The following DLG1 variants were observed in gnomAD, a reference collection of about 807,000 sequenced individuals.
DLG1 encodes the protein discs large MAGUK scaffold protein 1, also known as disks large homolog 1.
Under a neutral mutation model 123.4 loss-of-function variants are expected in DLG1, and 42 were observed. The ratio of observed to expected loss-of-function variants is 0.34; its 90% confidence interval spans 0.27 to 0.44. DLG1 has a LOEUF of 0.44. Among genes scored for constraint, DLG1 ranks in the 20% least tolerant of loss-of-function variants. The pLI is 1.00. For missense variants in DLG1, 942 were observed against 1,082.6 expected (o/e 0.87, Z 1.82); for synonymous variants, 317 against 356.2 (o/e 0.89, Z 1.24).
At chr3:197,197,113 G>A (rs760723181) in intron 4 of DLG1, among the ~76,000 whole-genome samples, 3 of 152,126 alleles carry the variant, frequency 2.0e-5, no homozygotes, top group Non-Finnish European at 4.4e-5. Flanking sequence ...AAAAACTCAA[G>A]GCATTTGACC....
intron 4 of DLG1, among the ~76,000 whole-genome samples, chr3:197,273,256 AT>A (rs1020126404): frequency 2.3e-4 from 30 of 132,934 alleles, no homozygotes; most frequent in African/African-American, 3.7e-4. Context: ...TTTTATTTTT[AT>A]TTTTTTTTGA....
intron 4 of DLG1, among the ~76,000 whole-genome samples, chr3:197,255,809 G>T (rs1756593752): frequency 6.6e-6 from 1 of 152,006 alleles, no homozygotes; most frequent in Non-Finnish European, 1.5e-5. Flanking sequence ...GGGGAGGGTG[G>T]GCTGTCTTGG....
chr3:197,055,970 G>A (rs958126569), intron 23 of DLG1, among the ~76,000 whole-genome samples: 4 of 152,128 alleles, frequency 2.6e-5, no homozygotes, highest in African/African-American at 9.7e-5. Flanking sequence ...GTCCACACTG[G>A]CTCCCACAAA....
intron 14 of DLG1, among the ~76,000 whole-genome samples, chr3:197,094,772 C>T (rs999590781): frequency 6.6e-5 from 10 of 152,066 alleles, no homozygotes; most frequent in Non-Finnish European, 1.2e-4. Context: ...ATATTTGATT[C>T]CAGTTTTTAT....
chr3:197,109,260 C>T (rs1401494913), intron 13 of DLG1, among the ~76,000 whole-genome samples: 1 of 152,142 alleles, frequency 6.6e-6, no homozygotes, highest in East Asian at 1.9e-4. Context: ...AGCCCAGCTA[C>T]TCGGGAGGCT....
At position 197,212,218 on chromosome 3, in the gene DLG1, T is replaced by C. The variant is rs1009778165; in HGVS notation, c.319-17629A>G. Among the ~76,000 whole-genome samples, 9 of 145,908 alleles carry C rather than the reference T, an allele frequency of 6.2e-5. No individual in the cohort carries two copies. The Admixed American group carries it at 6.2e-4, about 10-fold the overall frequency. ...ACGTGTACCCCTGAACCTAAAAGTT[T>C]TAAAAAACAAACAAAAAACCCTACC... is the stretch of plus-strand genomic sequence containing the variant. On this transcript the variant is annotated intron_variant, in intron 4 of 24. Coordinates refer to ENST00000667157, the MANE Select transcript of DLG1 (RefSeq NM_001366207.1).
intron 5 of DLG1, among the ~76,000 whole-genome samples, chr3:197,182,408 A>C (rs544498289): frequency 3.8e-4 from 58 of 152,290 alleles, no homozygotes; most frequent in Non-Finnish European, 8.1e-4. Flanking sequence ...TTTCTCCCAA[A>C]TATTTGAGAA....
intron 8 of DLG1, among the ~76,000 whole-genome samples, chr3:197,138,708 T>C (rs552483534): frequency 1.4e-3 from 213 of 152,334 alleles, no homozygotes; most frequent in African/African-American, 4.9e-3. Context: ...AGACACACTT[T>C]ATAAAAATAG....
Position 197,208,709 on chromosome 3 carries a change from T to G in DLG1, c.319-14120A>C, listed in dbSNP as rs1401414767. On this transcript the variant is annotated intron_variant, in intron 4 of 24. Coordinates refer to ENST00000667157, the MANE Select transcript of DLG1 (RefSeq NM_001366207.1). Reference sequence around the variant, plus strand: ...GGCGGGGTGGGGGTAGTTGGGGGGATAGTAAGAGGAAGAGAAAATACACAT... The same window carrying G: ...GGCGGGGTGGGGGTAGTTGGGGGGAGAGTAAGAGGAAGAGAAAATACACAT... 1.4e-5 allele frequency among the ~76,000 whole-genome samples: 2 copies of G among 144,006 alleles called. 1 individual carries two copies. 94.5% of individuals were successfully genotyped at this position (144,006 alleles called of 152,430 possible). A position where few individuals can be genotyped will look rare whatever the true frequency, so the allele number is the denominator to read the frequency against.
At chr3:197,058,757 T>C (rs1211017908) in intron 23 of DLG1, among the ~76,000 whole-genome samples, 9 of 152,234 alleles carry the variant, frequency 5.9e-5, no homozygotes, top group Non-Finnish European at 1.3e-4. Context: ...CTGATTTTTA[T>C]ATTTGTTTTC....
intron 3 of DLG1, among the ~76,000 whole-genome samples, chr3:197,290,827 A>G (rs1774464457): frequency 6.7e-6 from 1 of 149,632 alleles, no homozygotes; most frequent in Admixed American, 6.7e-5. Flanking sequence ...GAGCCTGGGA[A>G]GCAGAGGTTG....
intron 4 of DLG1, among the ~76,000 whole-genome samples, chr3:197,200,031 T>C (rs1323571615): frequency 6.6e-6 from 1 of 152,190 alleles, no homozygotes; most frequent in Non-Finnish European, 1.5e-5. Flanking sequence ...ATATCAGCAA[T>C]ATTATTTTAC....
At chr3:197,205,286 G>T (rs1206915480) in intron 4 of DLG1, among the ~76,000 whole-genome samples, 1 of 151,706 alleles carries the variant, frequency 6.6e-6, no homozygotes, top group Non-Finnish European at 1.5e-5. Context: ...ATGAGATAAA[G>T]CCCTGAAACA....
intron 22 of DLG1, 124 bp downstream of exon 22, chr3:197,065,152 T>C: frequency 2.3e-6 from 2 of 886,004 alleles, no homozygotes; most frequent in Admixed American, 6.1e-5. Context: ...AAATTAATTA[T>C]TTAGGTAAGC....
chr3:197,234,843 A>C (rs1034269591), intron 4 of DLG1, among the ~76,000 whole-genome samples: 6 of 152,204 alleles, frequency 3.9e-5, no homozygotes, highest in African/African-American at 1.4e-4. Context: ...CATACATTGT[A>C]TCTCCCTCAT....
intron 5 of DLG1, among the ~76,000 whole-genome samples, chr3:197,178,319 T>C (rs1263892487): frequency 6.6e-6 from 1 of 152,174 alleles, no homozygotes; most frequent in Non-Finnish European, 1.5e-5. Context: ...GGATTTGGCA[T>C]CAGACTGGAT....
At chr3:197,080,992 C>T (rs1398692941) in intron 17 of DLG1, 59 bp downstream of exon 17, 1 of 1,489,104 alleles carries the variant, frequency 6.7e-7, no homozygotes, top group Admixed American at 1.8e-5. Flanking sequence ...AAATCCTTTT[C>T]ATTTTAACAA....
intron 5 of DLG1, among the ~76,000 whole-genome samples, chr3:197,158,001 T>C (rs901970438): frequency 6.6e-6 from 1 of 152,180 alleles, no homozygotes; most frequent in African/African-American, 2.4e-5. Context: ...ATTTCTTGGA[T>C]ATGACACAAA....
intron 14 of DLG1, among the ~76,000 whole-genome samples, chr3:197,100,206 A>T (rs1157751955): frequency 6.6e-6 from 1 of 152,234 alleles, no homozygotes; most frequent in African/African-American, 2.4e-5. Context: ...AGTCCACTGC[A>T]ATCTTCCCAG....
Sources: gnomAD v4.1 joint callset for allele counts (sites outside exome capture counted in the v4.1 genomes callset) on GRCh38, gnomAD v4.1.1 for gene constraint, MANE v1.5 for transcripts, NCBI Gene and HGNC (gene_info 2026-07-23, HGNC 2026-07-21) for gene names.